ZC3H3: variants seen among roughly 807,000 people sequenced by gnomAD.
ZC3H3 encodes the protein zinc finger CCCH domain-containing protein 3.
A neutral mutation model predicts 77.3 loss-of-function variants in ZC3H3; 36 were observed. The observed-to-expected ratio is 0.47, with a 90% CI of 0.36 to 0.61. The LOEUF (loss-of-function observed/expected upper bound fraction) is 0.61, where lower values mean the gene tolerates loss of function less well. ZC3H3 is among the 20% of genes least tolerant of loss of function. ZC3H3 has a pLI of 0.00. For missense variants in ZC3H3, 1,331 were observed against 1,312.2 expected (o/e 1.01, Z -0.22); for synonymous variants, 626 against 555.2 (o/e 1.13, Z -1.79).
rs769103668 is a variant in ZC3H3 at position 143,507,801 on chromosome 8, G to A, written c.1660C>T (p.Pro554Ser). The A allele has an allele frequency of 1.6e-5, 26 of 1,606,514 alleles. No homozygotes were observed. The Admixed American group carries it at 4.2e-4, about 26-fold the overall frequency. ...KKTPASPLSAPPFPLSLPSWR... is the reference protein window; with the variant it reads ...KKTPASPLSASPFPLSLPSWR... ...GAGGGCAGAGACAGGGGGAAGGGCGGGGCGCTGAGAGGCGAGGCCGGCGTC... is the reference window on the plus strand; with the variant it reads ...GAGGGCAGAGACAGGGGGAAGGGCGAGGCGCTGAGAGGCGAGGCCGGCGTC... Residue 554 changes from proline to serine, a missense_variant, in exon 4 of 12, where the codon CCG becomes TCG. Transcript: ENST00000262577.
chr8:143,528,917 G>A (rs73715663), intron 3 of ZC3H3, among the ~76,000 whole-genome samples: 4 of 152,336 alleles, frequency 2.6e-5, no homozygotes, highest in African/African-American at 9.6e-5. Context: ...GCTCCCCACA[G>A]CACCTTCTTA....
At chr8:143,518,786 G>A (rs1404935931) in intron 3 of ZC3H3, among the ~76,000 whole-genome samples, 6 of 152,238 alleles carry the variant, frequency 3.9e-5, no homozygotes, top group Admixed American at 6.5e-5. Flanking sequence ...ACATACAAAC[G>A]TGCAACTGGG....
Position 143,493,097 on chromosome 8 carries a change from G to A in ZC3H3, c.1715+14649C>T, listed in dbSNP as rs1480530228. 1.9e-5 allele frequency among the ~76,000 whole-genome samples: 1 copy of A among 51,712 alleles called. No homozygotes were observed. Among genetic ancestry groups the A allele is most frequent in the African/African-American group, 7.7e-5 (1 of 12,922 alleles). The allele number at this position is 51,712 out of a possible 152,430, so 33.9% of individuals were successfully genotyped here. A position where few individuals can be genotyped will look rare whatever the true frequency, so the allele number is the denominator to read the frequency against. On this transcript the variant is annotated intron_variant, in intron 4 of 11. Coordinates refer to ENST00000262577, the MANE Select transcript of ZC3H3 (RefSeq NM_015117.3). This position sits in a 1 kb window ranked among gnomAD's most constrained non-coding sequence, Gnocchi z 4.8. Reference sequence around the variant, plus strand: ...CCAGGGGCTCACTCCTCAGGCTCCCGTGTCCTGGCCCAGGGGCTCCCTCCT... The same window carrying A: ...CCAGGGGCTCACTCCTCAGGCTCCCATGTCCTGGCCCAGGGGCTCCCTCCT...
At chr8:143,528,844 C>A (rs941988263) in intron 3 of ZC3H3, among the ~76,000 whole-genome samples, 1 of 152,204 alleles carries the variant, frequency 6.6e-6, no homozygotes, top group African/African-American at 2.4e-5. Flanking sequence ...GGAGGGGGGG[C>A]GCCTCACCCT....
At chr8:143,521,621 T>C (rs1195559888) in intron 3 of ZC3H3, among the ~76,000 whole-genome samples, 2 of 152,158 alleles carry the variant, frequency 1.3e-5, no homozygotes, top group Non-Finnish European at 2.9e-5. Flanking sequence ...CATGGAGGAC[T>C]TCCTGGGAGG....
At chr8:143,501,832 T>C (rs773083594) in intron 4 of ZC3H3, among the ~76,000 whole-genome samples, 40 of 152,234 alleles carry the variant, frequency 2.6e-4, no homozygotes, top group Non-Finnish European at 5.3e-4. Context: ...CCCACGGTCC[T>C]CTGACTGGCA....
At chr8:143,532,581 C>A (rs1052479930) in intron 3 of ZC3H3, among the ~76,000 whole-genome samples, 1 of 152,268 alleles carries the variant, frequency 6.6e-6, no homozygotes, top group Non-Finnish European at 1.5e-5. Context: ...AACACCCCAG[C>A]CGATGGAGGC....
chr8:143,491,221 C>G (rs1044235063), intron 4 of ZC3H3, among the ~76,000 whole-genome samples: 1 of 152,170 alleles, frequency 6.6e-6, no homozygotes, highest in Non-Finnish European at 1.5e-5. Flanking sequence ...CAGGAACCCC[C>G]GGGGGGCCCT....
intron 3 of ZC3H3, among the ~76,000 whole-genome samples, chr8:143,522,266 A>T (rs1196538097): frequency 6.6e-6 from 1 of 151,946 alleles, no homozygotes; most frequent in Non-Finnish European, 1.5e-5. Flanking sequence ...AGCACAGAAG[A>T]CTCCCTGACC....
chr8:143,506,442 T>C (rs1246545383), intron 4 of ZC3H3, among the ~76,000 whole-genome samples: 2 of 152,124 alleles, frequency 1.3e-5, no homozygotes, highest in South Asian at 2.1e-4. Flanking sequence ...GTGGGGGAAA[T>C]TGCATTAGGA....
intron 5 of ZC3H3, among the ~76,000 whole-genome samples, chr8:143,473,827 C>T (rs1178770870): frequency 1.3e-5 from 2 of 152,160 alleles, no homozygotes; most frequent in South Asian, 2.1e-4. Flanking sequence ...GGCTGGTGGA[C>T]GGCCACAGGC....
chr8:143,524,401 C>A (rs1002103921), intron 3 of ZC3H3, among the ~76,000 whole-genome samples: 4 of 152,232 alleles, frequency 2.6e-5, no homozygotes, highest in South Asian at 4.1e-4. Context: ...CCACTGGAAG[C>A]GCAGGACAGC....
chr8:143,468,513 G>C lies in ZC3H3; in HGVS notation c.1974C>G (p.Ile658Met). The C allele has an allele frequency of 6.2e-7, 1 of 1,609,350 alleles. No individual in the cohort carries two copies. Among genetic ancestry groups the C allele is most frequent in the Non-Finnish European group, 8.5e-7 (1 of 1,178,408 alleles). Residue 658 changes from isoleucine to methionine, a missense_variant, in exon 7 of 12, where the codon ATC (isoleucine) becomes ATG (methionine). This residue lies in a region of ZC3H3 where 978 missense variants were observed against 915.5 expected (regional missense o/e 1.07). Transcript: ENST00000262577. The part of the protein sequence containing the change: ...ASRAVQRSLA[I>M]IRQARQRREK... Reference sequence around the variant, plus strand: ...CCCTGCGCTGCCGCGCCTGCCGGATGATGGCCAGGCTGCGCTGCACTGCCC... The same window carrying C: ...CCCTGCGCTGCCGCGCCTGCCGGATCATGGCCAGGCTGCGCTGCACTGCCC...
intron 4 of ZC3H3, among the ~76,000 whole-genome samples, chr8:143,501,006 G>A (rs1310433362): frequency 6.7e-6 from 1 of 149,480 alleles, no homozygotes; most frequent in Non-Finnish European, 1.5e-5. Context: ...AAGTAGAGAC[G>A]GGGTTTCACC....
intron 3 of ZC3H3, among the ~76,000 whole-genome samples, chr8:143,519,228 G>A (rs1470994264): frequency 1.3e-5 from 2 of 152,178 alleles, no homozygotes; most frequent in Non-Finnish European, 1.5e-5. Context: ...AGGAGCTGGG[G>A]AGGCAGGCTG....
intron 3 of ZC3H3, among the ~76,000 whole-genome samples, chr8:143,511,507 G>A (rs542727261): frequency 1.1e-4 from 17 of 152,348 alleles, no homozygotes; most frequent in Middle Eastern, 3.4e-3. Context: ...ACTGTCTGAG[G>A]CTGCCAAGCA....
At chr8:143,440,457 G>C in intron 10 of ZC3H3, 94 bp from the exon 11 acceptor site, 1 of 1,449,476 alleles carries the variant, frequency 6.9e-7, no homozygotes, top group Non-Finnish European at 9.0e-7. Context: ...TCCTGCTCCC[G>C]TGGCCCTCCG....
intron 3 of ZC3H3, among the ~76,000 whole-genome samples, chr8:143,531,602 G>T (rs1174139785): frequency 6.6e-6 from 1 of 152,192 alleles, no homozygotes; most frequent in African/African-American, 2.4e-5. Flanking sequence ...ATATCCTGTG[G>T]CACTTTACAC....
intron 3 of ZC3H3, among the ~76,000 whole-genome samples, chr8:143,511,218 G>A (rs543350410): frequency 1.3e-4 from 20 of 152,224 alleles, no homozygotes; most frequent in African/African-American, 4.6e-4. Flanking sequence ...TCAGGAGGGC[G>A]GCCGCTGAGG....
Sources: gnomAD v4.1 joint callset for allele counts (sites outside exome capture counted in the v4.1 genomes callset) on GRCh38, gnomAD v4.1.1 for gene constraint, gnomAD v4.1.1 regional missense constraint, Gnocchi (gnomAD v3.1) non-coding constraint, MANE v1.5 for transcripts, NCBI Gene and HGNC (gene_info 2026-07-23, HGNC 2026-07-21) for gene names.